Variants in OTUD4 observed in about 807,000 individuals in gnomAD.
OTUD4 encodes the protein OTU deubiquitinase 4, also known as OTU domain-containing protein 4.
Under a neutral mutation model 130.4 loss-of-function variants are expected in OTUD4, and 24 were observed. That is an observed-to-expected ratio of 0.18 (90% CI 0.13 to 0.26). The LOEUF is 0.26. Among genes scored for constraint, OTUD4 ranks in the 10% least tolerant of loss-of-function variants. The pLI, the probability that OTUD4 is intolerant of heterozygous loss-of-function variation, is 1.00. For synonymous variants in OTUD4, 420 were observed against 472.5 expected, an observed-to-expected ratio of 0.89 and a Z score of 1.44; for missense variants, 1,031 against 1,329.4, an observed-to-expected ratio of 0.78 and a Z score of 3.49.
Position 145,136,744 on chromosome 4 carries a change from T to C in OTUD4, c.*686A>G, listed in dbSNP as rs1392706960. Reference sequence around the variant, plus strand: ...TATTCTTCTATGCAATCTCAACAAATACCAAAATTCAAAAATATACCTTAT... The same window carrying C: ...TATTCTTCTATGCAATCTCAACAAACACCAAAATTCAAAAATATACCTTAT... On this transcript the variant is annotated 3_prime_UTR_variant, in exon 21 of 21. Coordinates refer to ENST00000447906, the MANE Select transcript of OTUD4 (RefSeq NM_001366057.1). 2 of 152,506 alleles carry C rather than the reference T, an allele frequency of 1.3e-5. No homozygotes were observed. The highest frequency in any genetic ancestry group is 4.8e-5 in the African/African-American group (2 of 41,406). 9.4% of individuals were successfully genotyped at this position (152,506 alleles called of 1,614,324 possible).
chr4:145,165,768 G>A (rs1347173491), intron 3 of OTUD4, among the ~76,000 whole-genome samples: 1 of 152,058 alleles, frequency 6.6e-6, no homozygotes, highest in Non-Finnish European at 1.5e-5. Flanking sequence ...GAGCCACTGC[G>A]CCTGGCCCAA....
chr4:145,162,568 CA>C, intron 6 of OTUD4, 71 bp downstream of exon 6: 1 of 832,578 alleles, frequency 1.2e-6, no homozygotes, highest in South Asian at 1.8e-5. Flanking sequence ...AAACAAAAAA[CA>C]AAACAAAAAA....
rs1750315761 is a variant in OTUD4, at chr4:145,137,219, TTCTG to T, written c.*207_*210del. The T allele has an allele frequency of 6.7e-6, 3 of 450,734 alleles. No individual in the cohort carries two copies. In the Admixed American group the frequency reaches 1.2e-4, roughly 17 times the overall value. 27.9% of individuals were successfully genotyped at this position (450,734 alleles called of 1,614,324 possible). On this transcript the variant is annotated 3_prime_UTR_variant, in exon 21 of 21. Transcript: ENST00000447906. Reference sequence around the variant, plus strand: ...GACAGTCACTTGATCAACAAACAGATTCTGAATGAAGAAAACTGGCAATGCCAGG... The same window carrying T: ...GACAGTCACTTGATCAACAAACAGATAATGAAGAAAACTGGCAATGCCAGG...
intron 3 of OTUD4, among the ~76,000 whole-genome samples, chr4:145,166,387 T>C (rs1285267084): frequency 6.6e-6 from 1 of 152,010 alleles, no homozygotes; most frequent in Non-Finnish European, 1.5e-5. Context: ...AAATGTCCCA[T>C]ATACCCTGTG....
At chr4:145,163,262 C>T (rs1011820265) in intron 5 of OTUD4, among the ~76,000 whole-genome samples, 2 of 152,202 alleles carry the variant, frequency 1.3e-5, no homozygotes, top group Admixed American at 6.5e-5. Flanking sequence ...TCACTCAATT[C>T]CCCTCTAACT....
At chr4:145,144,970 T>C (rs1750749987) in intron 14 of OTUD4, among the ~76,000 whole-genome samples, 1 of 152,198 alleles carries the variant, frequency 6.6e-6, no homozygotes, top group Non-Finnish European at 1.5e-5. Flanking sequence ...TCTAGGTTCC[T>C]GTTTTGGCAT....
chr4:145,179,287 GT>G (rs1752575491), intron 1 of OTUD4, among the ~76,000 whole-genome samples: 2 of 152,140 alleles, frequency 1.3e-5, no homozygotes, highest in African/African-American at 4.8e-5. Context: ...TAAAAGGCTG[GT>G]TTTCTCAAAC....
chr4:145,157,830 ACTT>A (rs1232958325), intron 7 of OTUD4, among the ~76,000 whole-genome samples: 4 of 152,112 alleles, frequency 2.6e-5, no homozygotes, highest in African/African-American at 9.7e-5. Context: ...TCTCTGGTAA[ACTT>A]CTCCAGCTTA....
chr4:145,148,581 A>G (rs1330914665), intron 13 of OTUD4, among the ~76,000 whole-genome samples: 1 of 152,224 alleles, frequency 6.6e-6, no homozygotes, highest in African/African-American at 2.4e-5. Context: ...ATAGGCGATC[A>G]GAGTCAACAC....
At chr4:145,148,543 G>GAC (rs1204571608) in intron 13 of OTUD4, among the ~76,000 whole-genome samples, 1 of 150,982 alleles carries the variant, frequency 6.6e-6, no homozygotes, top group Non-Finnish European at 1.5e-5. Context: ...ACTGGTACAA[G>GAC]ACATCTATCT....
Position 145,144,453 on chromosome 4 carries a change from C to G in OTUD4, c.1423-19G>C, listed in dbSNP as rs906932531. 5 of 1,602,810 alleles carry G rather than the reference C, an allele frequency of 3.1e-6. No individual in the cohort carries two copies. Among genetic ancestry groups the G allele is most frequent in the Non-Finnish European group, 4.3e-6 (5 of 1,175,474 alleles). On this transcript the variant is annotated intron_variant, in intron 14 of 20. Transcript: ENST00000447906. ...ATGAGCTCTTTAAAATGAACAAAACCCAACATTTTGTGTTAAAGATTTACC... is the reference window on the plus strand; with the variant it reads ...ATGAGCTCTTTAAAATGAACAAAACGCAACATTTTGTGTTAAAGATTTACC...
At chr4:145,175,999 C>T (rs1315718742) in intron 1 of OTUD4, among the ~76,000 whole-genome samples, 2 of 151,586 alleles carry the variant, frequency 1.3e-5, no homozygotes, top group African/African-American at 2.4e-5. Context: ...CCCGAGTAGC[C>T]GGATTACAGG....
At position 145,158,156 on chromosome 4, in the gene OTUD4, A is replaced by C. The variant is rs1751383070; in HGVS notation, c.629+1347T>G. 1.3e-5 allele frequency among the ~76,000 whole-genome samples: 2 copies of C among 152,254 alleles called. 1 individual carries two copies. The highest frequency in any genetic ancestry group is 4.1e-4 in the South Asian group (2 of 4,834). On this transcript the variant is annotated intron_variant, in intron 7 of 20. Transcript: ENST00000447906. ...GGCCAAATTTTCAATCAGGATCAGA[A>C]AATTTTAATTCAATAAATACCTGGA...
chr4:145,169,887 T>A (rs191071339), intron 3 of OTUD4, among the ~76,000 whole-genome samples: 1 of 152,324 alleles, frequency 6.6e-6, no homozygotes, highest in Non-Finnish European at 1.5e-5. Context: ...CCCTCAGAAC[T>A]GGAACACAGC....
At chr4:145,158,472 A>G (rs780939377) in intron 7 of OTUD4, among the ~76,000 whole-genome samples, 6 of 151,776 alleles carry the variant, frequency 4.0e-5, no homozygotes, top group Admixed American at 6.6e-5. Flanking sequence ...ACAGTGCAAG[A>G]CTCCGATTCA....
chr4:145,143,018 T>G (rs963746163), intron 17 of OTUD4, among the ~76,000 whole-genome samples: 1 of 152,198 alleles, frequency 6.6e-6, no homozygotes, highest in Non-Finnish European at 1.5e-5. Context: ...TGAAATAAAG[T>G]AGAAATTCAG....
In OTUD4 at chr4:145,137,448, A is replaced by G. The variant is rs763673050; in HGVS notation, c.3327T>C (p.His1109=). Residue 1109 remains histidine (H), a synonymous_variant, in exon 21 of 21, where the codon CAT becomes CAC. Coordinates refer to ENST00000447906, the MANE Select transcript of OTUD4 (RefSeq NM_001366057.1). The part of the protein sequence containing the change: ...DRRRSGMGDG[H]RGQHT ...ACAACCATCAAGTGTGCTGTCCCCT[A>G]TGGCCATCTCCCATCCCTGATCTCC... 4.5e-5 allele frequency: 73 copies of G among 1,609,670 alleles called. No individual in the cohort carries two copies. Among genetic ancestry groups the G allele is most frequent in the African/African-American group, 8.0e-5 (6 of 74,726 alleles).
At chr4:145,149,064 A>G (rs1750954293) in intron 13 of OTUD4, among the ~76,000 whole-genome samples, 1 of 152,224 alleles carries the variant, frequency 6.6e-6, no homozygotes. Flanking sequence ...GTACCTGTGC[A>G]CATGACCTTA....
Position 145,146,311 on chromosome 4 carries a change from A to G in OTUD4, c.1378T>C (p.Tyr460His). 1 of 1,587,016 alleles carries G rather than the reference A, an allele frequency of 6.3e-7. No homozygotes were observed. The highest frequency in any genetic ancestry group is 1.2e-5 in the South Asian group (1 of 85,334). ...KQAIEESRLL[Y>H]EIQNRDEQAF... The stretch of plus-strand genomic sequence containing the variant: ...TGTTCATCTCTGTTCTGAATCTCAT[A>G]GAGTAAACGGGATTCTTCTATAGCT... The change falls in exon 14 of 21, where the codon TAT (tyrosine) becomes CAT (histidine). Residue 460 changes from tyrosine (Y) to histidine (H), a missense_variant. Around this residue, in one of 3 missense-constraint regions of OTUD4, gnomAD observed 900 missense variants for 1,095.9 expected, o/e 0.82. Transcript: ENST00000447906.
Sources: allele counts gnomAD v4.1 joint callset (sites outside exome capture counted in the v4.1 genomes callset), GRCh38; gene constraint gnomAD v4.1.1; regional missense constraint gnomAD v4.1.1; transcripts MANE v1.5; gene names NCBI Gene and HGNC (gene_info 2026-07-23, HGNC 2026-07-21).